ELAPOR2: variants seen among roughly 807,000 people sequenced by gnomAD.
The protein encoded by ELAPOR2 is endosome/lysosome-associated apoptosis and autophagy regulator family member 2.
A neutral mutation model predicts 120.7 loss-of-function variants in ELAPOR2; 89 were observed. The observed-to-expected ratio is 0.74, with a 90% CI of 0.62 to 0.88. The LOEUF (loss-of-function observed/expected upper bound fraction) is 0.88, where lower values mean the gene tolerates loss of function less well. Among genes scored for constraint, ELAPOR2 ranks in the 40% least tolerant of loss-of-function variants. The pLI is 0.00. For synonymous variants in ELAPOR2, 444 were observed against 444.9 expected, an observed-to-expected ratio of 1.00 and a Z score of 0.03; for missense variants, 1,134 against 1,251.6, an observed-to-expected ratio of 0.91 and a Z score of 1.42.
chr7:87,052,154 G>A (rs4728676), intron 1 of ELAPOR2, among the ~76,000 whole-genome samples: 89,671 of 151,874 alleles, frequency 0.59, 26,741 homozygotes, highest in East Asian at 0.75. Context: ...GTATTCCTGT[G>A]TCGGTCCATT....
At position 86,939,011 on chromosome 7, in the gene ELAPOR2, G is replaced by C. The variant is rs371951903; in HGVS notation, c.848-51C>G. 376 of 1,599,498 alleles carry C rather than the reference G, an allele frequency of 2.4e-4. 5 individuals are homozygous for C. The Middle Eastern group carries it at 0.014, about 60-fold the overall frequency. Reference sequence around the variant, plus strand: ...TGGGAGGGGGACCCAATACCAATAAGCAAATCAGCACCTACTTCTGCTTCT... The same window carrying C: ...TGGGAGGGGGACCCAATACCAATAACCAAATCAGCACCTACTTCTGCTTCT... On this transcript the variant is annotated intron_variant, in intron 6 of 21. Coordinates refer to ENST00000450689, the MANE Select transcript of ELAPOR2 (RefSeq NM_001142749.3).
chr7:86,987,376 C>G (rs1264744707), intron 1 of ELAPOR2, among the ~76,000 whole-genome samples: 1 of 152,100 alleles, frequency 6.6e-6, no homozygotes, highest in Non-Finnish European at 1.5e-5. Context: ...AGCTTCTGCA[C>G]AGCAAAAGAA....
chr7:86,959,288 T>A (rs1347174624), intron 2 of ELAPOR2, among the ~76,000 whole-genome samples: 1 of 152,214 alleles, frequency 6.6e-6, no homozygotes, highest in East Asian at 1.9e-4. Context: ...TTGCTCCTCC[T>A]TTTCTGATTC....
chr7:86,898,226 A>G (rs1275578370), intron 18 of ELAPOR2, among the ~76,000 whole-genome samples: 1 of 152,196 alleles, frequency 6.6e-6, no homozygotes, highest in Non-Finnish European at 1.5e-5. Context: ...GCTAAGTGAA[A>G]GAAACCAGTC....
At chr7:86,903,966 T>C (rs538852260) in intron 18 of ELAPOR2, among the ~76,000 whole-genome samples, 1 of 152,296 alleles carries the variant, frequency 6.6e-6, no homozygotes, top group East Asian at 1.9e-4. Context: ...GCCTCTAACT[T>C]AGTGTGCTTC....
At chr7:86,994,351 C>T (rs1793053889) in intron 1 of ELAPOR2, among the ~76,000 whole-genome samples, 1 of 152,150 alleles carries the variant, frequency 6.6e-6, no homozygotes, top group Non-Finnish European at 1.5e-5. Context: ...AAATAAAAGT[C>T]ATTTATCAAG....
intron 18 of ELAPOR2, among the ~76,000 whole-genome samples, chr7:86,905,226 A>T (rs141254351): frequency 0.01 from 1,527 of 150,938 alleles, 27 homozygotes; most frequent in African/African-American, 0.036. Flanking sequence ...GGAAGAGAAG[A>T]GAAGAAGTCC....
intron 1 of ELAPOR2, among the ~76,000 whole-genome samples, chr7:87,033,335 C>T (rs190504420): frequency 8.1e-4 from 123 of 152,084 alleles, no homozygotes; most frequent in Non-Finnish European, 1.6e-3. Context: ...TCAAAAAAAT[C>T]GAAGATAATT....
intron 1 of ELAPOR2, among the ~76,000 whole-genome samples, chr7:87,033,349 T>G (rs1794478474): frequency 6.6e-6 from 1 of 152,170 alleles, no homozygotes; most frequent in Non-Finnish European, 1.5e-5. Context: ...GATAATTAAC[T>G]GACAAAACGT....
At chr7:87,016,231 C>G (rs1251359899) in intron 1 of ELAPOR2, among the ~76,000 whole-genome samples, 4 of 152,026 alleles carry the variant, frequency 2.6e-5, no homozygotes, top group Admixed American at 2.6e-4. Flanking sequence ...CAAAATGTAT[C>G]TCTGTTTTCA....
At chr7:86,915,341 G>T (rs910426034) in intron 12 of ELAPOR2, among the ~76,000 whole-genome samples, 11 of 152,098 alleles carry the variant, frequency 7.2e-5, no homozygotes, top group African/African-American at 2.6e-4. Flanking sequence ...ATACTTGCAA[G>T]TTCCAGGGTG....
intron 1 of ELAPOR2, among the ~76,000 whole-genome samples, chr7:86,972,594 A>T (rs1452094654): frequency 1.3e-5 from 2 of 151,844 alleles, no homozygotes; most frequent in Non-Finnish European, 2.9e-5. Context: ...GAAAAAAAAA[A>T]AGTTTTTTGT....
intron 1 of ELAPOR2, among the ~76,000 whole-genome samples, chr7:87,000,625 A>G (rs573621989): frequency 2.6e-5 from 4 of 152,304 alleles, no homozygotes; most frequent in South Asian, 4.1e-4. Context: ...TGTGCTGAAT[A>G]TACAATATAA....
At chr7:86,987,470 A>C (rs1300303491) in intron 1 of ELAPOR2, among the ~76,000 whole-genome samples, 4 of 152,226 alleles carry the variant, frequency 2.6e-5, no homozygotes, top group Non-Finnish European at 5.9e-5. Context: ...TAATATCCAG[A>C]ATCTACAAAG....
chr7:86,939,773 C>T (rs1790724061), intron 6 of ELAPOR2, among the ~76,000 whole-genome samples: 1 of 151,996 alleles, frequency 6.6e-6, no homozygotes, highest in African/African-American at 2.4e-5. Context: ...CTAAAATTGT[C>T]ATCATGTTTA....
chr7:87,028,082 A>G (rs551836232), intron 1 of ELAPOR2, among the ~76,000 whole-genome samples: 3 of 152,276 alleles, frequency 2.0e-5, no homozygotes, highest in Admixed American at 6.5e-5. Context: ...TTTGTTCAGC[A>G]TTACTCTTAC....
chr7:87,040,508 ACACCT>A lies in ELAPOR2; in HGVS notation c.189+18812_189+18816del, dbSNP rs775716284. Among the ~76,000 whole-genome samples the A allele has an allele frequency of 1.1e-3, 174 of 152,330 alleles. 2 individuals carry two copies. Among genetic ancestry groups the A allele is most frequent in the Admixed American group, 3.5e-3 (53 of 15,304 alleles). On this transcript the variant is annotated intron_variant, in intron 1 of 21. Coordinates refer to ENST00000450689, the MANE Select transcript of ELAPOR2 (RefSeq NM_001142749.3). ...GGCACCCCCCAGCAGGGGCACACTG[ACACCT>A]CACACTGCAGGGTATTCCAACAGAC...
At chr7:86,892,869 C>A in intron 20 of ELAPOR2, 53 bp downstream of exon 20, 1 of 1,388,052 alleles carries the variant, frequency 7.2e-7, no homozygotes, top group Non-Finnish European at 9.4e-7. Flanking sequence ...CTAGAATTTT[C>A]ACAACAAAAT....
intron 10 of ELAPOR2, among the ~76,000 whole-genome samples, chr7:86,920,193 C>T (rs1166489697): frequency 6.6e-6 from 1 of 152,122 alleles, no homozygotes; most frequent in Non-Finnish European, 1.5e-5. Context: ...GATATGTTGA[C>T]TATACATCAG....
Sources: gnomAD v4.1 joint callset for allele counts (sites outside exome capture counted in the v4.1 genomes callset) on GRCh38, gnomAD v4.1.1 for gene constraint, MANE v1.5 for transcripts, NCBI Gene and HGNC (gene_info 2026-07-23, HGNC 2026-07-21) for gene names.